Variants in PCED1B observed in about 807,000 individuals in gnomAD.
PCED1B encodes the protein PC-esterase domain-containing protein 1B.
For missense variants in PCED1B, 573 were observed against 573.9 expected (o/e 1.00, Z 0.02); for synonymous variants, 251 against 246.1 (o/e 1.02, Z -0.19).
In PCED1B at chr12:47,135,329, G is replaced by A. The variant is rs556928937; in HGVS notation, c.-526+31134G>A. ...TTTTATTTTTATTTTTTTGCACCACGAACACATGCACTTTATTGAATGACA... is the reference window on the plus strand; with the variant it reads ...TTTTATTTTTATTTTTTTGCACCACAAACACATGCACTTTATTGAATGACA... On this transcript the variant is annotated intron_variant, in intron 2 of 3. Transcript: ENST00000546455. 8.6e-5 allele frequency among the ~76,000 whole-genome samples: 13 copies of A among 151,770 alleles called. No homozygotes were observed. The South Asian group carries it at 1.7e-3, about 19-fold the overall frequency.
chr12:47,102,052 C>G (rs922309270), intron 1 of PCED1B, among the ~76,000 whole-genome samples: 5 of 152,136 alleles, frequency 3.3e-5, no homozygotes, highest in Non-Finnish European at 1.5e-5. Flanking sequence ...TATTGACTCC[C>G]AAGTAGTTCC....
chr12:47,112,628 G>A (rs774752466), intron 2 of PCED1B, among the ~76,000 whole-genome samples: 7 of 152,266 alleles, frequency 4.6e-5, no homozygotes, highest in South Asian at 2.1e-4. Context: ...AGTGTTTGTC[G>A]TAAAAAGCTA....
intron 2 of PCED1B, among the ~76,000 whole-genome samples, chr12:47,171,139 C>T (rs183009332): frequency 6.7e-6 from 1 of 148,238 alleles, no homozygotes; most frequent in East Asian, 2.0e-4. Flanking sequence ...ACCATCTCGA[C>T]TCACTGCAAC....
intron 2 of PCED1B, among the ~76,000 whole-genome samples, chr12:47,197,293 A>G (rs181208900): frequency 1.6e-4 from 25 of 151,898 alleles, no homozygotes; most frequent in Admixed American, 3.9e-4. Flanking sequence ...TCGCTTGTAA[A>G]AAAAAGTCAT....
intron 3 of PCED1B, among the ~76,000 whole-genome samples, chr12:47,229,578 A>G (rs1417505411): frequency 6.6e-6 from 1 of 152,172 alleles, no homozygotes; most frequent in African/African-American, 2.4e-5. Context: ...CATATACAGC[A>G]TATACACATA....
intron 2 of PCED1B, among the ~76,000 whole-genome samples, chr12:47,158,614 T>C (rs1941271506): frequency 6.6e-6 from 1 of 152,214 alleles, no homozygotes; most frequent in South Asian, 2.1e-4. Flanking sequence ...TATTTTACTC[T>C]GTTGATACTG....
At chr12:47,234,208 G>T (rs1161552420) in intron 3 of PCED1B, among the ~76,000 whole-genome samples, 1 of 152,006 alleles carries the variant, frequency 6.6e-6, no homozygotes, top group Non-Finnish European at 1.5e-5. Flanking sequence ...GGCTGGTCTC[G>T]GACTCCCGAC....
At chr12:47,186,317 C>G (rs1025836789) in intron 2 of PCED1B, among the ~76,000 whole-genome samples, 8 of 150,664 alleles carry the variant, frequency 5.3e-5, no homozygotes, top group African/African-American at 2.0e-4. Context: ...TGACTTTGAG[C>G]TTCTAGGGGC....
chr12:47,217,688 T>G (rs1943341640), intron 3 of PCED1B, among the ~76,000 whole-genome samples: 1 of 152,094 alleles, frequency 6.6e-6, no homozygotes. Context: ...GCAATTCTTG[T>G]GCCTCAGCCT....
chr12:47,145,456 G>T (rs187875733), intron 2 of PCED1B, among the ~76,000 whole-genome samples: 1 of 152,196 alleles, frequency 6.6e-6, no homozygotes, highest in Non-Finnish European at 1.5e-5. Flanking sequence ...CAAAACAGCC[G>T]CTATTGGAAG....
intron 3 of PCED1B, among the ~76,000 whole-genome samples, chr12:47,217,506 AAGAAAG>A (rs1943325460): frequency 2.1e-5 from 3 of 139,886 alleles, no homozygotes; most frequent in Admixed American, 2.0e-4. Context: ...GAAAGAAAGA[AAGAAAG>A]AAAGAAGAAA....
At chr12:47,135,494 A>AGACTT (rs1489860162) in intron 2 of PCED1B, 50 of 460,808 alleles carry the variant, frequency 1.1e-4, no homozygotes, top group South Asian at 8.2e-4. Context: ...TTCTATCGAG[A>AGACTT]GACTTGGAAG....
intron 3 of PCED1B, among the ~76,000 whole-genome samples, chr12:47,219,018 G>A (rs1943391148): frequency 6.6e-6 from 1 of 152,090 alleles, no homozygotes; most frequent in Admixed American, 6.5e-5. Context: ...GCAAATGCCT[G>A]TGATCCCAGC....
rs557268789 is a variant in PCED1B at position 47,092,277 on chromosome 12, G to GT, written c.-608-11833dup. The stretch of plus-strand genomic sequence containing the variant: ...TCTTTAATTAGATTTATTTCTAGGT[G>GT]TTTGAGTTTTTTGATGCTATTGTAA... On this transcript the variant is annotated intron_variant, in intron 1 of 3. Coordinates refer to ENST00000546455, the MANE Select transcript of PCED1B (RefSeq NM_138371.3). 2.0e-4 allele frequency among the ~76,000 whole-genome samples: 31 copies of GT among 151,980 alleles called. No homozygotes were observed. The South Asian group carries it at 5.8e-3, about 29-fold the overall frequency.
chr12:47,204,069 C>T (rs1431361677), intron 2 of PCED1B, among the ~76,000 whole-genome samples: 1 of 152,162 alleles, frequency 6.6e-6, no homozygotes, highest in African/African-American at 2.4e-5. Flanking sequence ...CTCAGCCTCC[C>T]AAGTAGCTGG....
Position 47,168,218 on chromosome 12 carries a change from T to C in PCED1B, c.-525-48004T>C, listed in dbSNP as rs554306232. Among the ~76,000 whole-genome samples the C allele has an allele frequency of 2.0e-5, 3 of 152,340 alleles. No homozygotes were observed. The East Asian group carries it at 5.8e-4, about 29-fold the overall frequency. On this transcript the variant is annotated intron_variant, in intron 2 of 3. Transcript: ENST00000546455. ...TCCTGGTGATTTTTTAGAGAGTAGGTCTTTTAAGCCTCCTTCTGTCTCTTC... is the reference window on the plus strand; with the variant it reads ...TCCTGGTGATTTTTTAGAGAGTAGGCCTTTTAAGCCTCCTTCTGTCTCTTC...
At chr12:47,094,348 GT>G (rs1938387475) in intron 1 of PCED1B, among the ~76,000 whole-genome samples, 2 of 152,154 alleles carry the variant, frequency 1.3e-5, no homozygotes, top group African/African-American at 2.4e-5. Flanking sequence ...ATTTGGGTTT[GT>G]TTTTTATCTA....
intron 2 of PCED1B, among the ~76,000 whole-genome samples, chr12:47,115,726 A>T (rs1939390873): frequency 6.6e-6 from 1 of 152,232 alleles, no homozygotes; most frequent in African/African-American, 2.4e-5. Context: ...TAAGTGAGGT[A>T]ATGACATGAT....
At chr12:47,106,409 G>A (rs1223886262) in intron 2 of PCED1B, among the ~76,000 whole-genome samples, 1 of 152,030 alleles carries the variant, frequency 6.6e-6, no homozygotes, top group Non-Finnish European at 1.5e-5. Context: ...TTAGCCTAGG[G>A]GTGCGAGTTG....
Sources: gnomAD v4.1 joint callset for allele counts (sites outside exome capture counted in the v4.1 genomes callset) on GRCh38, gnomAD v4.1.1 for gene constraint, MANE v1.5 for transcripts, NCBI Gene and HGNC (gene_info 2026-07-23, HGNC 2026-07-21) for gene names.